The following CNTNAP1 variants were observed in gnomAD, a reference collection of about 807,000 sequenced individuals.
The protein encoded by CNTNAP1 is contactin associated protein 1, also known as contactin-associated protein 1.
Under a neutral mutation model 161.5 loss-of-function variants are expected in CNTNAP1, and 80 were observed. The observed-to-expected ratio is 0.50, with a 90% CI of 0.41 to 0.60. The LOEUF (loss-of-function observed/expected upper bound fraction) is 0.60, where lower values mean the gene tolerates loss of function less well. Among genes scored for constraint, CNTNAP1 ranks in the 20% least tolerant of loss-of-function variants. CNTNAP1 has a pLI of 0.00. For missense variants in CNTNAP1, 1,464 were observed against 1,854.8 expected (o/e 0.79, Z 3.87); for synonymous variants, 695 against 733.1 (o/e 0.95, Z 0.84).
intron 17 of CNTNAP1, 145 bp from the exon 18 acceptor site, chr17:42,693,152 G>T (rs911371884): frequency 4.2e-6 from 4 of 961,592 alleles, no homozygotes; most frequent in Non-Finnish European, 4.6e-6. Context: ...GTAGAGACGG[G>T]GTTTCATCAT....
chr17:42,683,714 C>T lies in CNTNAP1; in HGVS notation c.68-107C>T, dbSNP rs1018763236. The stretch of plus-strand genomic sequence containing the variant: ...GTAGGGCTGGGTGTGCCTCTGGGGG[C>T]GGGGGTTGGGGGCACGGAAGGGGAA... On this transcript the variant is annotated intron_variant, in intron 1 of 23. Transcript: ENST00000264638. 1.7e-5 allele frequency: 17 copies of T among 990,072 alleles called. No individual in the cohort carries two copies. In the East Asian group the frequency reaches 2.7e-4, roughly 16 times the overall value. The allele number at this position is 990,072 out of a possible 1,614,324, so 61.3% of individuals were successfully genotyped here.
At chr17:42,684,371 C>A in intron 3 of CNTNAP1, 142 bp downstream of exon 3, 1 of 759,634 alleles carries the variant, frequency 1.3e-6, no homozygotes, top group Non-Finnish European at 2.2e-6. Context: ...GGGACTCTGT[C>A]CAGAGGGACT....
Position 42,687,884 on chromosome 17 carries a change from G to C in CNTNAP1, c.1209G>C (p.Leu403=), listed in dbSNP as rs1173187040. ...CCGGGCTTCTCCTTTTCTCCCGTCT[G>C]GGGGACGGGCTGGGCCACGTGGAGC... is the stretch of plus-strand genomic sequence containing the variant. ...DLTGLLLFSR[L]GDGLGHVELT... is the part of the protein sequence containing the mutation. The change falls in exon 8 of 24, where the codon CTG becomes CTC. Residue 403 remains leucine, a synonymous_variant. Transcript: ENST00000264638. The surrounding 1 kb of genome is among the most constrained non-coding windows in gnomAD (Gnocchi z 4.7). The C allele has an allele frequency of 5.6e-6, 9 of 1,614,248 alleles. No individual in the cohort carries two copies. In the South Asian group the frequency reaches 7.7e-5, roughly 14 times the overall value.
At position 42,687,584 on chromosome 17, in the gene CNTNAP1, T is replaced by C; in HGVS notation, c.1045-136T>C. On this transcript the variant is annotated intron_variant, in intron 7 of 23. Coordinates refer to ENST00000264638, the MANE Select transcript of CNTNAP1 (RefSeq NM_003632.3). The surrounding 1 kb of genome is among the most constrained non-coding windows in gnomAD (Gnocchi z 4.7). ...CGAGCTTGGAGGGGAAGAGGTCACG[T>C]CATGGTTGGAGATCTCACCCCCGCC... 1 of 1,192,148 alleles carries C rather than the reference T, an allele frequency of 8.4e-7. No individual in the cohort carries two copies. Among genetic ancestry groups the C allele is most frequent in the Non-Finnish European group, 1.2e-6 (1 of 838,938 alleles). The allele number at this position is 1,192,148 out of a possible 1,614,324, so 73.8% of individuals were successfully genotyped here.
chr17:42,691,679 T>A lies in CNTNAP1; in HGVS notation c.2345-127T>A. Reference sequence around the variant, plus strand: ...CCTGGCTCCTCTTTCATTCCACTCCTTAGTCTCCCCTCCGTCACCTCAAAC... The same window carrying A: ...CCTGGCTCCTCTTTCATTCCACTCCATAGTCTCCCCTCCGTCACCTCAAAC... On this transcript the variant is annotated intron_variant, in intron 15 of 23. Coordinates refer to ENST00000264638, the MANE Select transcript of CNTNAP1 (RefSeq NM_003632.3). The surrounding 1 kb of genome is among the most constrained non-coding windows in gnomAD (Gnocchi z 4.3). 7.4e-7 allele frequency: 1 copy of A among 1,343,654 alleles called. No homozygotes were observed. The highest frequency in any genetic ancestry group is 1.0e-6 in the Non-Finnish European group (1 of 957,674). The allele number at this position is 1,343,654 out of a possible 1,614,324, so 83.2% of individuals were successfully genotyped here.
chr17:42,685,891 C>G lies in CNTNAP1; in HGVS notation c.716-66C>G. The G allele has an allele frequency of 1.3e-6, 2 of 1,561,304 alleles. No homozygotes were observed. The highest frequency in any genetic ancestry group is 1.8e-6 in the Non-Finnish European group (2 of 1,139,562). On this transcript the variant is annotated intron_variant, in intron 5 of 23. Coordinates refer to ENST00000264638, the MANE Select transcript of CNTNAP1 (RefSeq NM_003632.3). The surrounding 1 kb of genome is among the most constrained non-coding windows in gnomAD (Gnocchi z 5.0). Reference sequence around the variant, plus strand: ...GCTTTGTTACACGCTGCTGCTCTGCCTAGGAGCTTGGACTCCATGGAGTTC... The same window carrying G: ...GCTTTGTTACACGCTGCTGCTCTGCGTAGGAGCTTGGACTCCATGGAGTTC...
intron 8 of CNTNAP1, 90 bp from the exon 9 acceptor site, chr17:42,688,372 C>T (rs1307837133): frequency 1.3e-6 from 2 of 1,555,180 alleles, no homozygotes; most frequent in Non-Finnish European, 8.8e-7. Context: ...GCTACTGGGA[C>T]ACAGTGGGGC....
chr17:42,690,592 A>G (rs1484288872), intron 12 of CNTNAP1, 147 bp from the exon 13 acceptor site: 1 of 724,634 alleles, frequency 1.4e-6, no homozygotes, highest in East Asian at 2.5e-5. Flanking sequence ...TCCAGCCTAC[A>G]ATGCAGAGTG....
At position 42,685,447 on chromosome 17, in the gene CNTNAP1, G is replaced by A. The variant is rs751029282; in HGVS notation, c.715+27G>A. On this transcript the variant is annotated intron_variant, in intron 5 of 23. Coordinates refer to ENST00000264638, the MANE Select transcript of CNTNAP1 (RefSeq NM_003632.3). The surrounding 1 kb of genome is among the most constrained non-coding windows in gnomAD (Gnocchi z 5.0). Reference sequence around the variant, plus strand: ...TGAGCTCGGCGACCATGTGCGATGCGGAGCCAACCCCTGAAGCTCTCTCAC... The same window carrying A: ...TGAGCTCGGCGACCATGTGCGATGCAGAGCCAACCCCTGAAGCTCTCTCAC... 6 of 1,585,378 alleles carry A rather than the reference G, an allele frequency of 3.8e-6. No homozygotes were observed. Among genetic ancestry groups the A allele is most frequent in the Admixed American group, 1.7e-5 (1 of 59,036 alleles).
rs568590241 is a variant in CNTNAP1, at chr17:42,692,804, C to T, written c.2752+84C>T. 8.0e-5 allele frequency: 103 copies of T among 1,293,522 alleles called. No individual in the cohort carries two copies. The African/African-American group carries it at 1.4e-3, about 17-fold the overall frequency. The allele number at this position is 1,293,522 out of a possible 1,614,324, so 80.1% of individuals were successfully genotyped here. On this transcript the variant is annotated intron_variant, in intron 17 of 23. Transcript: ENST00000264638. ...CACTCGCCTTGTTTCCAGGAGCCTC[C>T]TGTCTTAGGTGCCAGTCCCCTCTGC...
chr17:42,695,828 C>T lies in CNTNAP1; in HGVS notation c.3300C>T (p.Val1100=), dbSNP rs1185068013. The T allele has an allele frequency of 6.2e-7, 1 of 1,614,186 alleles. No homozygotes were observed. The highest frequency in any genetic ancestry group is 1.7e-5 in the Admixed American group (1 of 60,030). The change falls in exon 19 of 24, where the codon GTC becomes GTT. Residue 1100 remains valine, a synonymous_variant. Coordinates refer to ENST00000264638, the MANE Select transcript of CNTNAP1 (RefSeq NM_003632.3). ...CCGCCCCTGCTGTCCTGCTCTACGT[C>T]AGTTCCTTTGTTCGTGACTACATGG... is the stretch of plus-strand genomic sequence containing the variant. The part of the protein sequence containing the change: ...TSSAPAVLLY[V]SSFVRDYMAV...
chr17:42,693,600 G>C, intron 18 of CNTNAP1, 64 bp downstream of exon 18: 1 of 1,580,714 alleles, frequency 6.3e-7, no homozygotes, highest in Non-Finnish European at 8.6e-7. Flanking sequence ...AGGGAGGGCA[G>C]GGAAGGAAAT....
At position 42,690,745 on chromosome 17, in the gene CNTNAP1, G is replaced by A. The variant is rs201009923; in HGVS notation, c.1862G>A (p.Arg621Gln). ...FVVYCDIREN[R>Q]AWTVVRHDRL... is the part of the protein sequence containing the mutation. ...GTCCCCTCTTGTCTGCCAGAGAACC[G>A]AGCGTGGACAGTTGTGCGGCATGAC... Residue 621 changes from arginine to glutamine, a missense_variant, in exon 13 of 24, where the codon CGA becomes CAA. This residue lies in a region of CNTNAP1 where 1,383 missense variants were observed against 1,765.0 expected (regional missense o/e 0.78). Transcript: ENST00000264638. The A allele has an allele frequency of 4.3e-5, 69 of 1,613,872 alleles. 1 individual carries two copies. The Admixed American group carries it at 5.8e-4, about 14-fold the overall frequency.
At position 42,683,787 on chromosome 17, in the gene CNTNAP1, C is replaced by T. The variant is rs780179960; in HGVS notation, c.68-34C>T. 8 of 1,572,640 alleles carry T rather than the reference C, an allele frequency of 5.1e-6. No homozygotes were observed. The South Asian group carries it at 9.0e-5, about 18-fold the overall frequency. On this transcript the variant is annotated intron_variant, in intron 1 of 23. Coordinates refer to ENST00000264638, the MANE Select transcript of CNTNAP1 (RefSeq NM_003632.3). The stretch of plus-strand genomic sequence containing the variant: ...GCCTTTGGAAGGGTCTGGGAGGGGC[C>T]AGCGCTGACTAACAGTCGGTTTCCC...
rs2053118926 is a variant in CNTNAP1, at chr17:42,693,537, G to A, written c.2992+1G>A. ...TTTGATGGGCCATACTGCAACCACG[G>A]TAAGTGCTGCTGGTTATGGGGCAAC... On this transcript the variant is annotated splice_donor_variant, in intron 18 of 23. Coordinates refer to ENST00000264638, the MANE Select transcript of CNTNAP1 (RefSeq NM_003632.3). LOFTEE classifies it high-confidence loss of function. 6.2e-7 allele frequency: 1 copy of A among 1,612,126 alleles called. No individual in the cohort carries two copies. Among genetic ancestry groups the A allele is most frequent in the African/African-American group, 1.3e-5 (1 of 74,892 alleles).
chr17:42,694,265 G>A (rs1032376098), intron 18 of CNTNAP1, among the ~76,000 whole-genome samples: 9 of 150,628 alleles, frequency 6.0e-5, no homozygotes, highest in Non-Finnish European at 1.2e-4. Flanking sequence ...TCCACCTCCC[G>A]GGCTGAAGCG....
chr17:42,695,384 G>A (rs994920274), intron 18 of CNTNAP1, 137 bp from the exon 19 acceptor site: 2 of 693,934 alleles, frequency 2.9e-6, no homozygotes, highest in East Asian at 2.5e-5. Flanking sequence ...GGCTCAAGGG[G>A]ACCTAAAAGT....
At chr17:42,695,218 G>A (rs1302948289) in intron 18 of CNTNAP1, among the ~76,000 whole-genome samples, 1 of 152,172 alleles carries the variant, frequency 6.6e-6, no homozygotes, top group Admixed American at 6.5e-5. Context: ...AAAGTGCTGG[G>A]ATTACAGGTG....
At chr17:42,698,579 G>A in intron 23 of CNTNAP1, 39 bp from the exon 24 acceptor site, 2 of 1,507,186 alleles carry the variant, frequency 1.3e-6, no homozygotes, top group South Asian at 2.5e-5. Context: ...ATACAGGTGA[G>A]ATCCCAAAGA....
Sources: gnomAD v4.1 joint callset for allele counts (sites outside exome capture counted in the v4.1 genomes callset) on GRCh38, gnomAD v4.1.1 for gene constraint, gnomAD v4.1.1 regional missense constraint, Gnocchi (gnomAD v3.1) non-coding constraint, MANE v1.5 for transcripts, NCBI Gene and HGNC (gene_info 2026-07-23, HGNC 2026-07-21) for gene names.